TRARG1: variants seen among roughly 807,000 people sequenced by gnomAD.
TRARG1 encodes trafficking regulator of GLUT4 1.
In TRARG1, 16 loss-of-function variants were observed where a neutral mutation model predicts 13.3. The ratio of observed to expected loss-of-function variants is 1.20; its 90% confidence interval spans 0.81 to 1.83. The LOEUF (loss-of-function observed/expected upper bound fraction) is 1.83. TRARG1 is among the 40% of genes most tolerant of loss of function. The pLI, the probability that TRARG1 is intolerant of heterozygous loss-of-function variation, is 0.00. For synonymous variants in TRARG1, 113 were observed against 106.2 expected (o/e 1.06, Z -0.39); for missense variants, 250 against 237.4 (o/e 1.05, Z -0.35).
At chr17:1,290,828 G>C (rs1372532992) in intron 1 of TRARG1, among the ~76,000 whole-genome samples, 3 of 151,876 alleles carry the variant, frequency 2.0e-5, no homozygotes, top group Non-Finnish European at 4.4e-5. Flanking sequence ...CCCGGTGGAG[G>C]TCATTGAATC....
rs768668936 is a variant in TRARG1 at position 1,280,304 on chromosome 17, C to A, written c.303C>A (p.Pro101=). The change falls in exon 1 of 3, where the codon CCC becomes CCA. Residue 101 remains proline (P), a synonymous_variant. Transcript: ENST00000333813. ...TTSYAQDQEA[P]RDYLILAVVA... ...CCTATGCCCAAGACCAAGAAGCCCCCAGAGATTACCTCATCCTGGCCGTCG... is the reference window on the plus strand; with the variant it reads ...CCTATGCCCAAGACCAAGAAGCCCCAAGAGATTACCTCATCCTGGCCGTCG... 6.2e-7 allele frequency: 1 copy of A among 1,614,012 alleles called. No homozygotes were observed.
At chr17:1,294,493 A>T (rs2072096749) in intron 1 of TRARG1, among the ~76,000 whole-genome samples, 1 of 53,950 alleles carries the variant, frequency 1.9e-5, no homozygotes, top group South Asian at 4.5e-4. Flanking sequence ...TTTTTGAGGC[A>T]GTCTCACTGT....
Position 1,280,115 on chromosome 17 carries a change from C to A in TRARG1, c.114C>A (p.Asp38Glu), listed in dbSNP as rs749652638. ...ILLTKAENKD[D>E]KTLNLSKTLS... ...TCACCAAGGCAGAGAACAAGGATGA[C>A]AAGACCCTGAATCTGTCCAAGACCC... The change falls in exon 1 of 3, where the codon GAC becomes GAA. Residue 38 changes from aspartate to glutamate, a missense_variant. By Grantham distance (45) the Asp-to-Glu change is conservative. Transcript: ENST00000333813. 1.2e-6 allele frequency: 2 copies of A among 1,613,720 alleles called. No homozygotes were observed. The highest frequency in any genetic ancestry group is 4.5e-5 in the East Asian group (2 of 44,904).
At chr17:1,296,028 G>T (rs1360801179) in intron 2 of TRARG1, among the ~76,000 whole-genome samples, 1 of 152,188 alleles carries the variant, frequency 6.6e-6, no homozygotes, top group East Asian at 1.9e-4. Flanking sequence ...CGAGATAAAG[G>T]ACGTGACTGT....
intron 1 of TRARG1, among the ~76,000 whole-genome samples, chr17:1,286,436 TGTCGGCCTGTG>T (rs2072022584): frequency 7.2e-6 from 1 of 139,278 alleles, no homozygotes; most frequent in African/African-American, 3.1e-5. Context: ...GGGGTGTTGT[TGTCGGCCTGTG>T]AGTTGTTATC....
At position 1,299,874 on chromosome 17, in the gene TRARG1, A is replaced by G; in HGVS notation, c.*1610A>G. The G allele has an allele frequency of 6.5e-6, 1 of 152,854 alleles. No individual in the cohort carries two copies. Among genetic ancestry groups the G allele is most frequent in the Non-Finnish European group, 1.5e-5 (1 of 68,506 alleles). 9.5% of individuals were successfully genotyped at this position (152,854 alleles called of 1,614,324 possible). A position where few individuals can be genotyped will look rare whatever the true frequency, so the allele number is the denominator to read the frequency against. Reference sequence around the variant, plus strand: ...CCCTCCTCAGAGGCCCGGGGAAGGGAAGAGCAGGTCAGTACAGAGGTTCTG... The same window carrying G: ...CCCTCCTCAGAGGCCCGGGGAAGGGGAGAGCAGGTCAGTACAGAGGTTCTG... On this transcript the variant is annotated 3_prime_UTR_variant, in exon 3 of 3. Coordinates refer to ENST00000333813, the MANE Select transcript of TRARG1 (RefSeq NM_172367.3).
intron 1 of TRARG1, among the ~76,000 whole-genome samples, chr17:1,291,008 C>A (rs994400363): frequency 6.0e-5 from 9 of 151,136 alleles, no homozygotes; most frequent in Non-Finnish European, 5.9e-5. Flanking sequence ...CGGGTTCCAG[C>A]GATTCTCCTG....
At chr17:1,290,803 G>A (rs989495187) in intron 1 of TRARG1, among the ~76,000 whole-genome samples, 5 of 152,058 alleles carry the variant, frequency 3.3e-5, no homozygotes, top group East Asian at 3.9e-4. Context: ...TAATCCCCTC[G>A]TGTCCTGGGA....
intron 1 of TRARG1, among the ~76,000 whole-genome samples, chr17:1,286,791 G>A (rs2072028474): frequency 6.7e-6 from 1 of 149,288 alleles, no homozygotes; most frequent in South Asian, 2.2e-4. Context: ...CCTGTCAGGT[G>A]TTATCAGCCC....
chr17:1,298,225 G>C lies in TRARG1; in HGVS notation c.521-26G>C, dbSNP rs766398913. 2.5e-6 allele frequency: 4 copies of C among 1,613,698 alleles called. No homozygotes were observed. In the South Asian group the frequency reaches 4.4e-5, roughly 18 times the overall value. On this transcript the variant is annotated intron_variant, in intron 2 of 2. Transcript: ENST00000333813. The stretch of plus-strand genomic sequence containing the variant: ...GAGCCAGTGTTCTGAGCCCTGTTCT[G>C]CCATATCTGTTTTTTTTCTTTACAG...
In TRARG1 at chr17:1,295,478, G is replaced by T. The variant is rs768000547; in HGVS notation, c.388-13G>T. 3 of 1,593,864 alleles carry T rather than the reference G, an allele frequency of 1.9e-6. No individual in the cohort carries two copies. The highest frequency in any genetic ancestry group is 2.6e-6 in the Non-Finnish European group (3 of 1,170,668). On this transcript the variant is annotated splice_polypyrimidine_tract_variant and intron_variant, in intron 1 of 2. Coordinates refer to ENST00000333813, the MANE Select transcript of TRARG1 (RefSeq NM_172367.3). ...TTCCCGGTTCCCGGGGTCTCTCTGT[G>T]CTCTCTCCGCAGTCTCGAAGCAGCA...
At chr17:1,282,411 C>A (rs2150806246) in intron 1 of TRARG1, among the ~76,000 whole-genome samples, 1 of 151,490 alleles carries the variant, frequency 6.6e-6, no homozygotes, top group Admixed American at 6.6e-5. Flanking sequence ...TGCTCTGTCA[C>A]CCAGGCTGGA....
intron 2 of TRARG1, among the ~76,000 whole-genome samples, chr17:1,297,703 A>T (rs941838238): frequency 6.7e-5 from 10 of 149,996 alleles, no homozygotes; most frequent in African/African-American, 2.5e-4. Flanking sequence ...TCCCAGGTTC[A>T]AGCGAATCTC....
intron 1 of TRARG1, among the ~76,000 whole-genome samples, chr17:1,290,031 T>C (rs7221718): frequency 0.74 from 113,068 of 152,024 alleles, 42,318 homozygotes; most frequent in East Asian, 0.88. Flanking sequence ...GTTCAAGTCC[T>C]GTTCCTCCCC....
At chr17:1,286,625 T>TTCGGCCTGTGGGGTGTTA (rs1431184944) in intron 1 of TRARG1, among the ~76,000 whole-genome samples, 5 of 78,038 alleles carry the variant, frequency 6.4e-5, no homozygotes, top group African/African-American at 1.2e-4. Flanking sequence ...GGGTGTTGTT[T>TTCGGCCTGTGGGGTGTTA]TCGGCCTGTG....
intron 1 of TRARG1, among the ~76,000 whole-genome samples, chr17:1,292,891 C>G (rs1012403593): frequency 6.6e-6 from 1 of 152,178 alleles, no homozygotes; most frequent in South Asian, 2.1e-4. Context: ...CGCGCTGCTG[C>G]GTCCTGGGGT....
chr17:1,287,967 C>G (rs551977078), intron 1 of TRARG1, among the ~76,000 whole-genome samples: 1 of 151,948 alleles, frequency 6.6e-6, no homozygotes, highest in Non-Finnish European at 1.5e-5. Context: ...CATCCAATTT[C>G]TAAGAACAAG....
At position 1,298,408 on chromosome 17, in the gene TRARG1, C is replaced by G. The variant is rs535649545; in HGVS notation, c.*144C>G. The G allele has an allele frequency of 3.6e-6, 3 of 835,176 alleles. No homozygotes were observed. The highest frequency in any genetic ancestry group is 5.5e-6 in the Non-Finnish European group (3 of 543,276). The allele number at this position is 835,176 out of a possible 1,614,324, so 51.7% of individuals were successfully genotyped here. A position where few individuals can be genotyped will look rare whatever the true frequency, so the allele number is the denominator to read the frequency against. On this transcript the variant is annotated 3_prime_UTR_variant, in exon 3 of 3. Coordinates refer to ENST00000333813, the MANE Select transcript of TRARG1 (RefSeq NM_172367.3). ...AAGCACAGACTCAAAGGGAAACCCCCCAGTCACCCACTGTCAGCCCCCATC... is the reference window on the plus strand; with the variant it reads ...AAGCACAGACTCAAAGGGAAACCCCGCAGTCACCCACTGTCAGCCCCCATC...
intron 1 of TRARG1, among the ~76,000 whole-genome samples, chr17:1,281,071 AGGGCATGGCCTGCCATGCCCAGGAAG>A (rs1240267601): frequency 2.6e-5 from 4 of 152,276 alleles, no homozygotes; most frequent in Admixed American, 1.3e-4. Flanking sequence ...TGAGAGTCAG[AGGGCATGGCCTGCCATGCCCAGGAAG>A]GGGCATGGGG....
Sources: gnomAD v4.1 joint callset for allele counts (sites outside exome capture counted in the v4.1 genomes callset) on GRCh38, gnomAD v4.1.1 for gene constraint, MANE v1.5 for transcripts, NCBI Gene and HGNC (gene_info 2026-07-23, HGNC 2026-07-21) for gene names.